The following NECAB3 variants were observed in gnomAD, a reference collection of about 807,000 sequenced individuals.
The protein encoded by NECAB3 is N-terminal EF-hand calcium-binding protein 3.
NECAB3 carries 38 observed loss-of-function variants against 57.2 expected under a neutral mutation model. The ratio of observed to expected loss-of-function variants is 0.66; its 90% CI spans 0.51 to 0.87. The LOEUF is 0.87. Among genes scored for constraint, NECAB3 ranks in the 40% least tolerant of loss-of-function variants. The pLI, the probability that NECAB3 is intolerant of heterozygous loss-of-function variation, is 0.00. For synonymous variants in NECAB3, 223 were observed against 222.6 expected, an observed-to-expected ratio of 1.00 and a Z score of -0.02; for missense variants, 474 against 527.5, an observed-to-expected ratio of 0.90 and a Z score of 0.99.
At chr20:33,674,530 C>T, upstream of NECAB3, 3 of 490,002 alleles carry the variant, frequency 6.1e-6, no homozygotes, top group Non-Finnish European at 8.1e-6. Context: ...ACTCCAGCGC[C>T]GCGGGCCTCC....
At chr20:33,659,278 G>T (rs1158430332) in intron 8 of NECAB3, among the ~76,000 whole-genome samples, 1 of 152,204 alleles carries the variant, frequency 6.6e-6, no homozygotes, top group African/African-American at 2.4e-5. Flanking sequence ...CGTCCACACT[G>T]CCCCAGACCT....
At chr20:33,674,199 G>T (rs936148439) in intron 1 of NECAB3, 25 bp downstream of exon 1, 13 of 1,256,386 alleles carry the variant, frequency 1.0e-5, no homozygotes, top group Non-Finnish European at 1.2e-5. Context: ...GGGAGACACC[G>T]CGAGCAGAGC....
At chr20:33,666,676 A>G (rs2017661754) in intron 5 of NECAB3, 1 of 152,296 alleles carries the variant, frequency 6.6e-6, no homozygotes, top group African/African-American at 2.4e-5. Context: ...CATCTCAGCA[A>G]GGGCTGACGG....
At position 33,667,243 on chromosome 20, in the gene NECAB3, G is replaced by T. The variant is rs572614403; in HGVS notation, c.387+2132C>A. On this transcript the variant is annotated intron_variant, in intron 5 of 11. Transcript: ENST00000246190. Reference sequence around the variant, plus strand: ...GAGCTCTAGCTTGGTGCCCAGCTGGGACCGGCCGGTGCTGCCCGGAGCGCC... The same window carrying T: ...GAGCTCTAGCTTGGTGCCCAGCTGGTACCGGCCGGTGCTGCCCGGAGCGCC... 7.4e-6 allele frequency: 3 copies of T among 402,798 alleles called. No homozygotes were observed. The East Asian group carries it at 1.2e-4, about 16-fold the overall frequency. The allele number at this position is 402,798 out of a possible 1,614,324, so 25.0% of individuals were successfully genotyped here. A position where few individuals can be genotyped will look rare whatever the true frequency, so the allele number is the denominator to read the frequency against.
intron 1 of NECAB3, 98 bp from the exon 2 acceptor site, chr20:33,672,520 C>A (rs2017849390): frequency 4.2e-6 from 6 of 1,437,934 alleles, no homozygotes; most frequent in Non-Finnish European, 9.8e-7. Flanking sequence ...CGACCTACCC[C>A]CTGCCTCGCC....
In NECAB3 at chr20:33,659,627, T is replaced by C. The variant is rs764760307; in HGVS notation, c.749A>G (p.His250Arg). ...TGGATACCAGGAGGGTCCTCCCTTG[T>C]GGGGCCCTGGCCCCACGGCCCTCAC... ...CKVRAVGPGPHKGGPSWYPPE... is the reference protein window; with the variant it reads ...CKVRAVGPGPRKGGPSWYPPE... Residue 250 changes from histidine (H) to arginine (R), a missense_variant, in exon 8 of 12, where the codon CAC becomes CGC. Coordinates refer to ENST00000246190, the MANE Select transcript of NECAB3 (RefSeq NM_031232.4). 1 of 1,609,098 alleles carries C rather than the reference T, an allele frequency of 6.2e-7. No homozygotes were observed. The highest frequency in any genetic ancestry group is 1.7e-5 in the Admixed American group (1 of 59,832).
rs772615673 is a variant in NECAB3 at position 33,657,992 on chromosome 20, A to T, written c.1112T>A (p.Leu371His). Reference protein sequence around the residue: ...SPGSKAFQRILIDHLRAPDTL... With the variant: ...SPGSKAFQRIHIDHLRAPDTL... ...GTCCGGGGCCCGCAGGTGGTCGATG[A>T]GGATGCGCTGGAAGGCCTTGCTGCC... Residue 371 changes from leucine (L) to histidine (H), a missense_variant, in exon 11 of 12, where the codon CTC (leucine) becomes CAC (histidine). Leu to His is a moderately conservative substitution (Grantham distance 99, BLOSUM62 -3). Transcript: ENST00000246190. 6.4e-7 allele frequency: 1 copy of T among 1,556,084 alleles called. No homozygotes were observed. The highest frequency in any genetic ancestry group is 8.7e-7 in the Non-Finnish European group (1 of 1,149,742).
At position 33,659,507 on chromosome 20, in the gene NECAB3, C is replaced by A; in HGVS notation, c.869G>T (p.Gly290Val). The change falls in exon 8 of 12, where the codon GGG (glycine) becomes GTG (valine). Residue 290 changes from glycine to valine, a missense_variant. Transcript: ENST00000246190. ...EPLREEDLAK[G>V]PDLHILMAQR... The stretch of plus-strand genomic sequence containing the variant: ...CTCTCCTGGGCTCACCAAGTCAGGC[C>A]CCTTGGCCAGGTCCTCTTCACGCAG... 1 of 1,490,672 alleles carries A rather than the reference C, an allele frequency of 6.7e-7. No homozygotes were observed. The highest frequency in any genetic ancestry group is 9.0e-7 in the Non-Finnish European group (1 of 1,114,280). The allele number at this position is 1,490,672 out of a possible 1,614,324, so 92.3% of individuals were successfully genotyped here.
chr20:33,668,434 C>A, intron 5 of NECAB3: 1 of 678,088 alleles, frequency 1.5e-6, no homozygotes, highest in Non-Finnish European at 2.3e-6. Context: ...TCTCCCCAAC[C>A]ACTGCCAGTT....
chr20:33,668,553 G>A (rs1416629414), intron 5 of NECAB3: 2 of 297,672 alleles, frequency 6.7e-6, no homozygotes, highest in Non-Finnish European at 1.3e-5. Context: ...CCAAACCCTC[G>A]TCATGTACCA....
At chr20:33,672,148 C>T (rs2122524187) in intron 2 of NECAB3, 8 of 570,046 alleles carry the variant, frequency 1.4e-5, no homozygotes, top group South Asian at 1.2e-4. Flanking sequence ...ATCACCATGC[C>T]AGGGTGCTGT....
At position 33,660,483 on chromosome 20, in the gene NECAB3, C is replaced by T. The variant is rs138950736; in HGVS notation, c.388-88G>A. 218 of 1,534,760 alleles carry T rather than the reference C, an allele frequency of 1.4e-4. No homozygotes were observed. The African/African-American group carries it at 2.3e-3, about 16-fold the overall frequency. Reference sequence around the variant, plus strand: ...CCCTGCCTCTTGCCCATCAGAGCAGCGGTGGCAGTGCCAAGAGCAGGGGCA... The same window carrying T: ...CCCTGCCTCTTGCCCATCAGAGCAGTGGTGGCAGTGCCAAGAGCAGGGGCA... On this transcript the variant is annotated intron_variant, in intron 5 of 11. Coordinates refer to ENST00000246190, the MANE Select transcript of NECAB3 (RefSeq NM_031232.4). The surrounding 1 kb of genome is among the most constrained non-coding windows in gnomAD (Gnocchi z 4.1).
At position 33,659,633 on chromosome 20, in the gene NECAB3, C is replaced by T. The variant is rs767747186; in HGVS notation, c.743G>A (p.Gly248Glu). Residue 248 changes from glycine to glutamate, a missense_variant, in exon 8 of 12, where the codon GGG becomes GAG. Transcript: ENST00000246190. ...LECKVRAVGP[G>E]PHKGGPSWYP... is the part of the protein sequence containing the mutation. The stretch of plus-strand genomic sequence containing the variant: ...CCAGGAGGGTCCTCCCTTGTGGGGC[C>T]CTGGCCCCACGGCCCTCACCTTGCA... 6.2e-7 allele frequency: 1 copy of T among 1,610,616 alleles called. No homozygotes were observed. The highest frequency in any genetic ancestry group is 8.5e-7 in the Non-Finnish European group (1 of 1,179,190).
Position 33,667,276 on chromosome 20 carries a change from G to C in NECAB3, c.387+2099C>G, listed in dbSNP as rs543324516. On this transcript the variant is annotated intron_variant, in intron 5 of 11. Transcript: ENST00000246190. The stretch of plus-strand genomic sequence containing the variant: ...GGTGCTGCCCGGAGCGCCGGGCTGC[G>C]AGCTGGCGGGCGGCGTGGCGCGGGC... 7.0e-5 allele frequency: 34 copies of C among 487,158 alleles called. No individual in the cohort carries two copies. In the East Asian group the frequency reaches 1.2e-3, roughly 18 times the overall value. The allele number at this position is 487,158 out of a possible 1,614,324, so 30.2% of individuals were successfully genotyped here. A position where few individuals can be genotyped will look rare whatever the true frequency, so the allele number is the denominator to read the frequency against.
At chr20:33,669,218 C>T in intron 5 of NECAB3, 157 bp downstream of exon 5, 1 of 655,466 alleles carries the variant, frequency 1.5e-6, no homozygotes, top group Non-Finnish European at 2.7e-6. Context: ...GGAAACAGGC[C>T]CAGAGAGGTC....
In NECAB3 at chr20:33,663,301, G is replaced by A. The variant is rs575723980; in HGVS notation, c.388-2906C>T. ...AGGAAGTCAGCCTGGGATGGATGAG[G>A]GTTTCCAGAAAGGAGGCGGAGTCCG... is the stretch of plus-strand genomic sequence containing the variant. On this transcript the variant is annotated intron_variant, in intron 5 of 11. Coordinates refer to ENST00000246190, the MANE Select transcript of NECAB3 (RefSeq NM_031232.4). The A allele has an allele frequency of 3.4e-5, 19 of 565,792 alleles. 2 individuals carry two copies. The South Asian group carries it at 4.1e-4, about 12-fold the overall frequency. 35.0% of individuals were successfully genotyped at this position (565,792 alleles called of 1,614,324 possible).
intron 5 of NECAB3, chr20:33,663,814 C>G: frequency 7.1e-7 from 1 of 1,414,962 alleles, no homozygotes; most frequent in Non-Finnish European, 9.1e-7. Context: ...CGAAGCCGGC[C>G]CCGCCGAGGA....
intron 8 of NECAB3, 74 bp downstream of exon 8, chr20:33,659,422 CG>C (rs944959234): frequency 1.5e-6 from 2 of 1,309,342 alleles, no homozygotes; most frequent in Non-Finnish European, 2.0e-6. Context: ...GGTGGGCAAC[CG>C]GCCCCATGAA....
chr20:33,658,573 G>A lies in NECAB3; in HGVS notation c.993-19C>T, dbSNP rs776618556. The A allele has an allele frequency of 3.7e-6, 6 of 1,613,698 alleles. No individual in the cohort carries two copies. In the Admixed American group the frequency reaches 5.0e-5, roughly 13 times the overall value. On this transcript the variant is annotated intron_variant, in intron 9 of 11. Transcript: ENST00000246190. Reference sequence around the variant, plus strand: ...GGACACACTGTAGGGCCAAAGAGATGGGCAGGCCAGGCCAGGGCTGCCACC... The same window carrying A: ...GGACACACTGTAGGGCCAAAGAGATAGGCAGGCCAGGCCAGGGCTGCCACC...
Sources: allele counts gnomAD v4.1 joint callset (sites outside exome capture counted in the v4.1 genomes callset), GRCh38; gene constraint gnomAD v4.1.1; non-coding constraint Gnocchi (gnomAD v3.1); transcripts MANE v1.5; gene names NCBI Gene and HGNC (gene_info 2026-07-23, HGNC 2026-07-21).